The following FAT3 variants were observed in gnomAD, a reference collection of about 807,000 sequenced individuals.
FAT3 encodes the protein FAT atypical cadherin 3.
In FAT3, 95 loss-of-function variants were observed where a neutral mutation model predicts 310.2. The observed-to-expected ratio is 0.31, with a 90% confidence interval of 0.26 to 0.36. The LOEUF is 0.36. Ranked by LOEUF, FAT3 falls within the 10% of genes least tolerant of loss-of-function variation. FAT3 has a pLI of 1.00. For synonymous variants in FAT3, 2,314 were observed against 2,192.9 expected (o/e 1.06, Z -1.54); for missense variants, 5,408 against 5,715.6 (o/e 0.95, Z 1.74).
rs772684953 is a variant in FAT3, at chr11:92,883,218, C to CG, written c.12765dup (p.Leu4256AlafsTer14). 13 of 1,613,060 alleles carry CG rather than the reference C, an allele frequency of 8.1e-6. No homozygotes were observed. Among genetic ancestry groups the CG allele is most frequent in the African/African-American group, 1.3e-5 (1 of 74,920 alleles). ...GGAGCAACCTGGATAAGATCGTGGACGGGCTGGGAGGCGAGCACCAGGAAA... is the reference window on the plus strand; with the variant it reads ...GGAGCAACCTGGATAAGATCGTGGACGGGGCTGGGAGGCGAGCACCAGGAAA... On this transcript the variant is annotated frameshift_variant, in exon 24 of 28. Coordinates refer to ENST00000525166, the MANE Select transcript of FAT3 (RefSeq NM_001367949.2). LOFTEE classifies it high-confidence loss of function. The surrounding 1 kb of genome is among the most constrained non-coding windows in gnomAD (Gnocchi z 4.2).
At chr11:92,846,279 A>T (rs1239608755) in intron 19 of FAT3, among the ~76,000 whole-genome samples, 1 of 152,180 alleles carries the variant, frequency 6.6e-6, no homozygotes, top group South Asian at 2.1e-4. Flanking sequence ...TTCTGAAAAA[A>T]ATCTGTGAAG....
intron 3 of FAT3, among the ~76,000 whole-genome samples, chr11:92,553,673 G>A (rs1790302): frequency 1.2e-4 from 2 of 17,238 alleles, no homozygotes; most frequent in South Asian, 2.3e-3. Flanking sequence ...TAGAATCTCC[G>A]TCCCTTCCTT....
At chr11:92,633,896 T>C (rs1941654176) in intron 3 of FAT3, among the ~76,000 whole-genome samples, 1 of 152,192 alleles carries the variant, frequency 6.6e-6, no homozygotes, top group Admixed American at 6.5e-5. Context: ...ATAGAAAGAT[T>C]AATGTATCTG....
chr11:92,412,752 C>CACACACATATATATATATATAT (rs1565296555), intron 2 of FAT3, among the ~76,000 whole-genome samples: 1,696 of 24,292 alleles, frequency 0.07, 574 homozygotes, highest in Non-Finnish European at 0.099. Context: ...TATAAATATA[C>CACACACATATATATATATATAT]ATACATATAT....
chr11:92,798,481 T>C lies in FAT3; in HGVS notation c.5468T>C (p.Phe1823Ser). The change falls in exon 10 of 28, where the codon TTT becomes TCT. Residue 1823 changes from phenylalanine (F) to serine (S), a missense_variant. By Grantham distance (155) the Phe-to-Ser change is radical. This residue lies in a region of FAT3 where 4,588 missense variants were observed against 4,809.8 expected (regional missense o/e 0.95). Coordinates refer to ENST00000525166, the MANE Select transcript of FAT3 (RefSeq NM_001367949.2). Reference sequence around the variant, plus strand: ...ATTGTGGAGTCAACAGCAAAAAAGTTTTTCACGGTGGACTCCAGTACAGGT... The same window carrying C: ...ATTGTGGAGTCAACAGCAAAAAAGTCTTTCACGGTGGACTCCAGTACAGGT... Reference protein sequence around the residue: ...YQIVESTAKKFFTVDSSTGAI... With the variant: ...YQIVESTAKKSFTVDSSTGAI... 6.2e-7 allele frequency: 1 copy of C among 1,613,604 alleles called. No individual in the cohort carries two copies. Among genetic ancestry groups the C allele is most frequent in the Non-Finnish European group, 8.5e-7 (1 of 1,179,816 alleles).
At position 92,800,575 on chromosome 11, in the gene FAT3, C is replaced by G. The variant is rs753440679; in HGVS notation, c.7562C>G (p.Thr2521Arg). The change falls in exon 10 of 28, where the codon ACA (threonine) becomes AGA (arginine). Residue 2521 changes from threonine (T) to arginine (R), a missense_variant. By Grantham distance (71) the Thr-to-Arg change is moderately conservative (BLOSUM62 -1). This residue lies in a region of FAT3 where 4,588 missense variants were observed against 4,809.8 expected (regional missense o/e 0.95). Transcript: ENST00000525166. ...ACAAAGGTAATTCATGTTCGAGCCA[C>G]AGATGGTGATCCAGGGACTTATGGG... Reference protein sequence around the residue: ...AGTKVIHVRATDGDPGTYGQI... With the variant: ...AGTKVIHVRARDGDPGTYGQI... 5 of 1,613,680 alleles carry G rather than the reference C, an allele frequency of 3.1e-6. No individual in the cohort carries two copies. In the Admixed American group the frequency reaches 8.3e-5, roughly 27 times the overall value.
At chr11:92,435,297 A>G (rs374428777) in intron 2 of FAT3, among the ~76,000 whole-genome samples, 10 of 152,204 alleles carry the variant, frequency 6.6e-5, no homozygotes, top group Admixed American at 4.6e-4. Flanking sequence ...AGCTATTGCT[A>G]TCAGGTGCAT....
intron 2 of FAT3, among the ~76,000 whole-genome samples, chr11:92,463,576 C>T (rs1951686257): frequency 6.6e-6 from 1 of 152,084 alleles, no homozygotes; most frequent in South Asian, 2.1e-4. Flanking sequence ...AACAAACATC[C>T]AATCAATGGT....
chr11:92,514,972 G>T lies in FAT3; in HGVS notation c.3293-9662G>T, dbSNP rs182518477. On this transcript the variant is annotated intron_variant, in intron 2 of 27. Transcript: ENST00000525166. ...TATCACCTGATTTGGAACAGAGTCT[G>T]GGTTCTGGGTCAGAGATGTTGTGGA... Among the ~76,000 whole-genome samples, 204 of 152,228 alleles carry T rather than the reference G, an allele frequency of 1.3e-3. 1 individual carries two copies. The highest frequency in any genetic ancestry group is 4.7e-3 in the African/African-American group (195 of 41,558).
intron 1 of FAT3, among the ~76,000 whole-genome samples, chr11:92,315,475 G>GTATATATATATA (rs1555009254): frequency 1.3e-5 from 1 of 76,674 alleles, no homozygotes; most frequent in African/African-American, 6.6e-5. Flanking sequence ...GTGTGTGTGT[G>GTATATATATATA]TGTGTATATA....
At chr11:92,752,289 C>A (rs1271515535) in intron 4 of FAT3, among the ~76,000 whole-genome samples, 1 of 152,230 alleles carries the variant, frequency 6.6e-6, no homozygotes, top group Non-Finnish European at 1.5e-5. Flanking sequence ...CCAAAACTGC[C>A]AGGTTTAAAA....
chr11:92,281,439 G>A (rs1946418673), intron 1 of FAT3, among the ~76,000 whole-genome samples: 1 of 152,104 alleles, frequency 6.6e-6, no homozygotes, highest in Non-Finnish European at 1.5e-5. Flanking sequence ...TCAAGGATCT[G>A]GCTACCTGGA....
At chr11:92,288,686 C>G (rs542910102) in intron 1 of FAT3, among the ~76,000 whole-genome samples, 3 of 152,170 alleles carry the variant, frequency 2.0e-5, no homozygotes, top group Non-Finnish European at 4.4e-5. Flanking sequence ...TGCTTGCCTT[C>G]CCTCCCCTAC....
intron 22 of FAT3, among the ~76,000 whole-genome samples, chr11:92,879,507 C>A (rs1000023478): frequency 1.3e-5 from 2 of 152,094 alleles, no homozygotes; most frequent in African/African-American, 4.8e-5. Flanking sequence ...AATAAGCAAG[C>A]AAAAACACTG....
intron 3 of FAT3, among the ~76,000 whole-genome samples, chr11:92,541,383 TGAATGATGGCA>T (rs1167871762): frequency 6.6e-6 from 1 of 152,190 alleles, no homozygotes; most frequent in Non-Finnish European, 1.5e-5. Flanking sequence ...TTTCTGAAAT[TGAATGATGGCA>T]GAAATTCTCC....
chr11:92,391,174 G>A (rs1044177546), intron 2 of FAT3, among the ~76,000 whole-genome samples: 2 of 152,148 alleles, frequency 1.3e-5, no homozygotes, highest in African/African-American at 4.8e-5. Flanking sequence ...AGACAAAATT[G>A]TGTGCTTGTT....
At chr11:92,396,028 C>A (rs1159298256) in intron 2 of FAT3, among the ~76,000 whole-genome samples, 1 of 152,106 alleles carries the variant, frequency 6.6e-6, no homozygotes, top group East Asian at 1.9e-4. Flanking sequence ...GTCTCCTCTC[C>A]CCTACAGCCA....
intron 3 of FAT3, among the ~76,000 whole-genome samples, chr11:92,602,896 T>C (rs1940099663): frequency 6.6e-6 from 1 of 152,326 alleles, no homozygotes; most frequent in Admixed American, 6.5e-5. Flanking sequence ...TTATTTCATG[T>C]ATTTGTTAGG....
chr11:92,728,055 G>GGAGT (rs1006052683), intron 4 of FAT3, among the ~76,000 whole-genome samples: 2 of 152,088 alleles, frequency 1.3e-5, no homozygotes, highest in African/African-American at 4.8e-5. Flanking sequence ...CACCTCCCAG[G>GGAGT]GAGTGGTTTT....
Sources: gnomAD v4.1 joint callset for allele counts (sites outside exome capture counted in the v4.1 genomes callset) on GRCh38, gnomAD v4.1.1 for gene constraint, gnomAD v4.1.1 regional missense constraint, Gnocchi (gnomAD v3.1) non-coding constraint, MANE v1.5 for transcripts, NCBI Gene and HGNC (gene_info 2026-07-23, HGNC 2026-07-21) for gene names.